Variants in LTBP1 observed in about 807,000 individuals in gnomAD.
LTBP1 encodes the protein latent-transforming growth factor beta-binding protein 1.
LTBP1 carries 129 observed loss-of-function variants against 207.6 expected under a neutral mutation model. The observed-to-expected ratio is 0.62, with a 90% CI of 0.54 to 0.72. The LOEUF (loss-of-function observed/expected upper bound fraction) is 0.72, where lower values mean the gene tolerates loss of function less well. LTBP1 is among the 30% of genes least tolerant of loss of function. LTBP1 has a pLI of 0.00. For missense variants in LTBP1, 2,281 were observed against 2,217.2 expected, an observed-to-expected ratio of 1.03 and a Z score of -0.58; for synonymous variants, 963 against 833.7, an observed-to-expected ratio of 1.16 and a Z score of -2.67.
intron 3 of LTBP1, among the ~76,000 whole-genome samples, chr2:33,049,927 G>T (rs1358730720): frequency 6.6e-6 from 1 of 151,632 alleles, no homozygotes; most frequent in Non-Finnish European, 1.5e-5. Context: ...CTGCAGCCTG[G>T]GACTCCTGGG....
intron 2 of LTBP1, among the ~76,000 whole-genome samples, chr2:33,007,584 A>C (rs1313500449): frequency 1.8e-4 from 27 of 152,366 alleles, no homozygotes; most frequent in Non-Finnish European, 1.5e-5. Flanking sequence ...TAAATGTGAG[A>C]AAGAAAGAAC....
chr2:33,263,248 C>G, intron 14 of LTBP1, 46 bp from the exon 15 acceptor site: 1 of 1,126,942 alleles, frequency 8.9e-7, no homozygotes, highest in South Asian at 1.2e-5. Context: ...TCTCAATGCA[C>G]ATAACGGGCT....
intron 19 of LTBP1, among the ~76,000 whole-genome samples, chr2:33,283,206 A>G (rs1346415732): frequency 1.3e-5 from 2 of 152,026 alleles, no homozygotes; most frequent in Non-Finnish European, 2.9e-5. Context: ...GTGATGCATG[A>G]CGTGAAGAAA....
At position 32,947,712 on chromosome 2, in the gene LTBP1, C is replaced by G; in HGVS notation, c.388C>G (p.Pro130Ala). 6.5e-7 allele frequency: 1 copy of G among 1,532,220 alleles called. No individual in the cohort carries two copies. The highest frequency in any genetic ancestry group is 2.0e-5 in the Admixed American group (1 of 50,126). The allele number at this position is 1,532,220 out of a possible 1,614,324, so 94.9% of individuals were successfully genotyped here. A position where few individuals can be genotyped will look rare whatever the true frequency, so the allele number is the denominator to read the frequency against. ...PNPGGHPAAA[P>A]FTKQGRQVVR... The stretch of plus-strand genomic sequence containing the variant: ...TCCCGGCGGCCACCCGGCAGCCGCC[C>G]CGTTCACCAAACAAGGCAGGCAAGT... The change falls in exon 1 of 34, where the codon CCG (proline) becomes GCG (alanine). Residue 130 changes from proline (P) to alanine (A), a missense_variant. By Grantham distance (27) the Pro-to-Ala change is conservative (BLOSUM62 -1). This residue lies in a region of LTBP1 where 555 missense variants were observed against 491.0 expected (regional missense o/e 1.13). Transcript: ENST00000404816.
chr2:33,249,787 A>C lies in LTBP1; in HGVS notation c.2000-2890A>C, dbSNP rs1323163503. Among the ~76,000 whole-genome samples, 2 of 152,216 alleles carry C rather than the reference A, an allele frequency of 1.3e-5. 1 individual carries two copies. Among genetic ancestry groups the C allele is most frequent in the Non-Finnish European group, 2.9e-5 (2 of 68,038 alleles). ...CACATCCTGCACAAAATAGGATCTG[A>C]CAAAGTACTGTTTCAGTGTACAAAC... On this transcript the variant is annotated intron_variant, in intron 10 of 33. Transcript: ENST00000404816.
At chr2:33,204,108 G>T (rs573009851) in intron 7 of LTBP1, among the ~76,000 whole-genome samples, 1 of 152,156 alleles carries the variant, frequency 6.6e-6, no homozygotes, top group Non-Finnish European at 1.5e-5. Context: ...TGTAGTGAGA[G>T]AAGCAACATT....
intron 3 of LTBP1, among the ~76,000 whole-genome samples, chr2:33,070,280 G>A (rs1213965939): frequency 2.6e-5 from 4 of 152,220 alleles, no homozygotes; most frequent in Non-Finnish European, 4.4e-5. Context: ...TGGAGCCGTT[G>A]TTGCTTTGCC....
At chr2:33,102,917 T>A (rs1184432710) in intron 3 of LTBP1, among the ~76,000 whole-genome samples, 1 of 152,160 alleles carries the variant, frequency 6.6e-6, no homozygotes, top group Non-Finnish European at 1.5e-5. Context: ...ATGCACTGTG[T>A]ATGCACAGTC....
intron 3 of LTBP1, among the ~76,000 whole-genome samples, chr2:33,096,369 T>A (rs1010612410): frequency 6.6e-6 from 1 of 152,162 alleles, no homozygotes; most frequent in African/African-American, 2.4e-5. Flanking sequence ...CAGCAAGAAT[T>A]TCTGAAGGAA....
intron 5 of LTBP1, among the ~76,000 whole-genome samples, chr2:33,183,652 G>A (rs2086892155): frequency 6.6e-6 from 1 of 152,160 alleles, no homozygotes; most frequent in Admixed American, 6.5e-5. Flanking sequence ...CTGTATTCCA[G>A]TTATAAATTC....
chr2:33,104,675 T>C (rs934008446), intron 3 of LTBP1, among the ~76,000 whole-genome samples: 2 of 152,212 alleles, frequency 1.3e-5, no homozygotes, highest in African/African-American at 4.8e-5. Context: ...CCTCCAAGAC[T>C]GTGTGGCTCC....
intron 24 of LTBP1, among the ~76,000 whole-genome samples, chr2:33,320,762 T>C (rs1020441990): frequency 3.9e-5 from 6 of 152,212 alleles, no homozygotes; most frequent in African/African-American, 2.4e-5. Flanking sequence ...CTATGGACTT[T>C]GGATGATAAT....
chr2:33,228,422 T>C (rs1258897806), intron 9 of LTBP1, among the ~76,000 whole-genome samples: 1 of 152,168 alleles, frequency 6.6e-6, no homozygotes, highest in Non-Finnish European at 1.5e-5. Context: ...GTGCAGCATA[T>C]TGCTAATAAG....
At chr2:33,342,017 G>T (rs1453989159) in intron 24 of LTBP1, among the ~76,000 whole-genome samples, 1 of 152,178 alleles carries the variant, frequency 6.6e-6, no homozygotes, top group African/African-American at 2.4e-5. Context: ...GTGATGGGTG[G>T]TATAGATGTG....
intron 32 of LTBP1, among the ~76,000 whole-genome samples, chr2:33,396,419 A>C (rs1339079087): frequency 1.3e-5 from 2 of 152,044 alleles, no homozygotes; most frequent in African/African-American, 4.8e-5. Context: ...ACAGGGTTTC[A>C]CCATGTTGGC....
chr2:33,228,648 CT>C (rs2091589818), intron 9 of LTBP1, among the ~76,000 whole-genome samples: 1 of 147,066 alleles, frequency 6.8e-6, no homozygotes, highest in Non-Finnish European at 1.5e-5. Context: ...AAGTAAATAA[CT>C]TTCCCAGGGT....
At chr2:33,194,671 A>C (rs1450163816) in intron 7 of LTBP1, among the ~76,000 whole-genome samples, 1 of 152,246 alleles carries the variant, frequency 6.6e-6, no homozygotes, top group African/African-American at 2.4e-5. Flanking sequence ...AGCCATCTGC[A>C]TACCATAAAA....
intron 3 of LTBP1, among the ~76,000 whole-genome samples, chr2:33,063,644 G>C (rs1202278966): frequency 6.6e-6 from 1 of 152,022 alleles, no homozygotes; most frequent in Non-Finnish European, 1.5e-5. Flanking sequence ...GGGATCCTCA[G>C]TTGTTTTTGA....
At position 33,090,664 on chromosome 2, in the gene LTBP1, G is replaced by A. The variant is rs530478331; in HGVS notation, c.864-19918G>A. On this transcript the variant is annotated intron_variant, in intron 3 of 33. Transcript: ENST00000404816. ...CTAGGGGGTAGGGAGGCTAGAATAG[G>A]TCACGTTACCCTGTTGATGATCTTT... Among the ~76,000 whole-genome samples the A allele has an allele frequency of 3.9e-5, 6 of 152,278 alleles. No homozygotes were observed. The South Asian group carries it at 1.2e-3, about 32-fold the overall frequency.
Sources: gnomAD v4.1 joint callset for allele counts (sites outside exome capture counted in the v4.1 genomes callset) on GRCh38, gnomAD v4.1.1 for gene constraint, gnomAD v4.1.1 regional missense constraint, MANE v1.5 for transcripts, NCBI Gene and HGNC (gene_info 2026-07-23, HGNC 2026-07-21) for gene names.